Variants in TMEM176B observed in about 807,000 individuals in gnomAD.
TMEM176B encodes the protein LR8-like protein.
In TMEM176B, 28 loss-of-function variants were observed where a neutral mutation model predicts 30.3. The observed-to-expected ratio is 0.92, with a 90% CI of 0.68 to 1.27. TMEM176B has a LOEUF of 1.27. TMEM176B is among the 50% of genes most tolerant of loss of function. The pLI, the probability that TMEM176B is intolerant of heterozygous loss-of-function variation, is 0.00. For synonymous variants in TMEM176B, 123 were observed against 130.3 expected (o/e 0.94, Z 0.38); for missense variants, 349 against 327.4 (o/e 1.07, Z -0.51).
chr7:150,800,390 G>C (rs952597577), upstream of TMEM176B: 3 of 152,198 alleles, frequency 2.0e-5, no homozygotes, highest in Non-Finnish European at 4.4e-5. Flanking sequence ...GCAGATGCAC[G>C]GGTGGGGGCT....
intron 5 of TMEM176B, among the ~76,000 whole-genome samples, chr7:150,792,691 A>G (rs772856712): frequency 2.0e-5 from 3 of 152,208 alleles, no homozygotes; most frequent in Non-Finnish European, 2.9e-5. Context: ...CTGTAACTGC[A>G]TGAGAAAACC....
chr7:150,793,791 T>C (rs1220918808), intron 3 of TMEM176B, among the ~76,000 whole-genome samples, 170 bp downstream of exon 3: 1 of 151,764 alleles, frequency 6.6e-6, no homozygotes, highest in Non-Finnish European at 1.5e-5. Flanking sequence ...AAGAGAAAAA[T>C]GGAAGTGACA....
intron 2 of TMEM176B, 94 bp downstream of exon 2, chr7:150,796,272 A>C: frequency 8.0e-7 from 1 of 1,257,798 alleles, no homozygotes; most frequent in African/African-American, 1.5e-5. Flanking sequence ...CCTCCCAAAT[A>C]AAACGTTTTA....
At chr7:150,800,882 C>G, upstream of TMEM176B, 3 of 984,520 alleles carry the variant, frequency 3.0e-6, no homozygotes, top group Admixed American at 6.1e-5. Context: ...GCACGCACCC[C>G]GAGCTGCCTC....
At chr7:150,794,942 CA>C (rs1798469385) in intron 2 of TMEM176B, among the ~76,000 whole-genome samples, 1 of 116,098 alleles carries the variant, frequency 8.6e-6, no homozygotes, top group African/African-American at 2.9e-5. Context: ...CACACACACA[CA>C]CACACCTCTC....
At chr7:150,801,288 G>T (rs1414899013), upstream of TMEM176B, 4 of 429,392 alleles carry the variant, frequency 9.3e-6, no homozygotes, top group Non-Finnish European at 1.2e-5. Context: ...GGATGAGGGG[G>T]ACAGAGCAGA....
intron 1 of TMEM176B, among the ~76,000 whole-genome samples, chr7:150,798,557 G>A (rs1047141550): frequency 6.6e-6 from 1 of 152,014 alleles, no homozygotes; most frequent in Non-Finnish European, 1.5e-5. Flanking sequence ...TTACAGGCGT[G>A]AGCCACCGCG....
At position 150,793,330 on chromosome 7, in the gene TMEM176B, G is replaced by C; in HGVS notation, c.373-15C>G. 6.2e-7 allele frequency: 1 copy of C among 1,611,228 alleles called. No individual in the cohort carries two copies. The highest frequency in any genetic ancestry group is 1.1e-5 in the South Asian group (1 of 90,730). On this transcript the variant is annotated splice_polypyrimidine_tract_variant and intron_variant, in intron 4 of 6. Transcript: ENST00000326442. ...GATATATAGCCCTGGAAGAGAAAGA[G>C]GGTCATGACACACGCTCCTTCAATC...
At chr7:150,797,671 G>A (rs913478594) in intron 1 of TMEM176B, among the ~76,000 whole-genome samples, 1 of 152,106 alleles carries the variant, frequency 6.6e-6, no homozygotes, top group Non-Finnish European at 1.5e-5. Flanking sequence ...GGTTATTTAC[G>A]CATGAGAACC....
rs1798308752 is a variant in TMEM176B, at chr7:150,791,595, A to G, written c.749T>C (p.Leu250Pro). Residue 250 changes from leucine to proline, a missense_variant, in exon 7 of 7, where the codon CTG (leucine) becomes CCG (proline). Leu to Pro is a moderately conservative substitution (Grantham distance 98, BLOSUM62 -3). Transcript: ENST00000326442. Reference sequence around the variant, plus strand: ...CGAAGGGGGCACTGAATTCTCCCCCAGTAGCCTCTTCTCTGATCCTTCCTC... The same window carrying G: ...CGAAGGGGGCACTGAATTCTCCCCCGGTAGCCTCTTCTCTGATCCTTCCTC... ...LNEEGSEKRLLGENSVPPSPS... is the reference protein window; with the variant it reads ...LNEEGSEKRLPGENSVPPSPS... The G allele has an allele frequency of 6.2e-7, 1 of 1,614,052 alleles. No individual in the cohort carries two copies. Among genetic ancestry groups the G allele is most frequent in the Non-Finnish European group, 8.5e-7 (1 of 1,179,968 alleles).
At chr7:150,796,834 G>A (rs983568134) in intron 1 of TMEM176B, 5 of 392,010 alleles carry the variant, frequency 1.3e-5, no homozygotes, top group Admixed American at 1.2e-4. Context: ...TGCACCTGTA[G>A]TCCCAGCTAC....
chr7:150,796,964 AAAAC>A (rs540276440), intron 1 of TMEM176B, among the ~76,000 whole-genome samples: 36 of 152,268 alleles, frequency 2.4e-4, no homozygotes, highest in East Asian at 3.9e-4. Context: ...AAAAAAAACA[AAAAC>A]AAACAAACAA....
intron 1 of TMEM176B, among the ~76,000 whole-genome samples, chr7:150,798,797 C>G (rs912460815): frequency 1.3e-5 from 2 of 152,156 alleles, no homozygotes; most frequent in African/African-American, 4.8e-5. Context: ...GCTCTCCGTT[C>G]ACATCCTATG....
chr7:150,791,907 C>G, intron 6 of TMEM176B, 149 bp downstream of exon 6: 1 of 1,225,546 alleles, frequency 8.2e-7, no homozygotes, highest in East Asian at 2.5e-5. Flanking sequence ...ATTCCCCAGA[C>G]AGCAAAGGGG....
intron 1 of TMEM176B, among the ~76,000 whole-genome samples, chr7:150,797,518 T>C (rs1432134290): frequency 6.6e-6 from 1 of 152,230 alleles, no homozygotes; most frequent in African/African-American, 2.4e-5. Flanking sequence ...TTTGAGGTGA[T>C]CATCCTTGGC....
At chr7:150,799,653 C>T (rs1316628475) in intron 1 of TMEM176B, among the ~76,000 whole-genome samples, 3 of 152,260 alleles carry the variant, frequency 2.0e-5, no homozygotes, top group African/African-American at 4.8e-5. Flanking sequence ...TAGACAATTC[C>T]GCACACGTAC....
chr7:150,794,477 A>G (rs1386644517), intron 2 of TMEM176B, among the ~76,000 whole-genome samples: 1 of 151,880 alleles, frequency 6.6e-6, no homozygotes, highest in African/African-American at 2.4e-5. Flanking sequence ...GGCAGACACA[A>G]AGAAGTGCCG....
At chr7:150,794,105 C>T (rs757462331) in intron 2 of TMEM176B, 34 bp from the exon 3 acceptor site, 17 of 1,568,942 alleles carry the variant, frequency 1.1e-5, no homozygotes, top group African/African-American at 8.1e-5. Context: ...GACCCCTTCC[C>T]GTGAGTCCAC....
At position 150,791,463 on chromosome 7, in the gene TMEM176B, G is replaced by A. The variant is rs1051877678; in HGVS notation, c.*68C>T. The A allele has an allele frequency of 4.3e-5, 58 of 1,363,448 alleles. No individual in the cohort carries two copies. In the African/African-American group the frequency reaches 8.2e-4, roughly 19 times the overall value. 84.5% of individuals were successfully genotyped at this position (1,363,448 alleles called of 1,614,324 possible). On this transcript the variant is annotated 3_prime_UTR_variant, in exon 7 of 7. Coordinates refer to ENST00000326442, the MANE Select transcript of TMEM176B (RefSeq NM_001101312.2). Reference sequence around the variant, plus strand: ...GCCATAGGGGAGGCAAGTGTGAGGAGCCAGGAGTGGGGGCCCTGGGCTGCC... The same window carrying A: ...GCCATAGGGGAGGCAAGTGTGAGGAACCAGGAGTGGGGGCCCTGGGCTGCC...
Sources: gnomAD v4.1 joint callset for allele counts (sites outside exome capture counted in the v4.1 genomes callset) on GRCh38, gnomAD v4.1.1 for gene constraint, MANE v1.5 for transcripts, NCBI Gene and HGNC (gene_info 2026-07-23, HGNC 2026-07-21) for gene names.